The following MARK4 variants were observed in gnomAD, a reference collection of about 807,000 sequenced individuals.
MARK4 encodes microtubule affinity regulating kinase 4.
In MARK4, 19 loss-of-function variants were observed where a neutral mutation model predicts 81.5. The ratio of observed to expected loss-of-function variants is 0.23; its 90% CI spans 0.16 to 0.34. MARK4 has a LOEUF of 0.34. Among genes scored for constraint, MARK4 ranks in the 10% least tolerant of loss-of-function variants. The pLI is 1.00. For synonymous variants in MARK4, 436 were observed against 439.0 expected (o/e 0.99, Z 0.08); for missense variants, 772 against 1,058.8 (o/e 0.73, Z 3.76).
intron 4 of MARK4, 132 bp from the exon 5 acceptor site, chr19:45,264,552 C>A: frequency 2.4e-6 from 2 of 818,514 alleles, no homozygotes; most frequent in Non-Finnish European, 4.0e-6. Context: ...GAAAATCTTG[C>A]TGTCAGTAGG....
chr19:45,271,739 AGCCCCTCCCCACAGTCAG>A lies in MARK4; in HGVS notation c.786+38_786+55del, dbSNP rs770247140. On this transcript the variant is annotated intron_variant, in intron 8 of 16. Coordinates refer to ENST00000262891, the MANE Select transcript of MARK4 (RefSeq NM_001199867.2). This position sits in a 1 kb window ranked among gnomAD's most constrained non-coding sequence, Gnocchi z 4.1. ...GAGAGGGGCTGGGTGCAGGGGCATC[AGCCCCTCCCCACAGTCAG>A]GCCCCTATCCCCCCCACACCTCCCC... 1.1e-5 allele frequency: 17 copies of A among 1,592,038 alleles called. No individual in the cohort carries two copies. The Admixed American group carries it at 2.7e-4, about 25-fold the overall frequency.
intron 7 of MARK4, among the ~76,000 whole-genome samples, chr19:45,269,587 G>A (rs1267295237): frequency 1.3e-5 from 2 of 152,138 alleles, no homozygotes; most frequent in Non-Finnish European, 2.9e-5. Context: ...GGGAAGGACC[G>A]CAGTTGGGAT....
intron 8 of MARK4, among the ~76,000 whole-genome samples, chr19:45,273,096 G>T (rs183453180): frequency 6.6e-6 from 1 of 150,762 alleles, no homozygotes; most frequent in East Asian, 1.9e-4. Flanking sequence ...GGGGAATACT[G>T]TAAGGGGATG....
At chr19:45,266,958 T>C (rs950871447) in intron 7 of MARK4, among the ~76,000 whole-genome samples, 1 of 151,936 alleles carries the variant, frequency 6.6e-6, no homozygotes, top group Non-Finnish European at 1.5e-5. Context: ...GGTCTCGATC[T>C]CCTGACCTTG....
intron 2 of MARK4, among the ~76,000 whole-genome samples, chr19:45,261,755 G>T (rs762529837): frequency 2.8e-4 from 42 of 152,158 alleles, no homozygotes; most frequent in Non-Finnish European, 5.3e-4. Flanking sequence ...CCAACATGGA[G>T]AAACCCCGTC....
intron 16 of MARK4, among the ~76,000 whole-genome samples, chr19:45,300,621 A>C (rs368791074): frequency 1.6e-4 from 24 of 152,268 alleles, no homozygotes; most frequent in Admixed American, 7.2e-4. Context: ...GCAGTGTTCC[A>C]ATGAAACTTT....
chr19:45,302,556 G>T lies in MARK4; in HGVS notation c.2105G>T (p.Gly702Val). ...TTCCTGCTGGCCTGCCTGCACGGGG[G>T]TGCGGGCGGGCCCGAGCCCCTGTCC... is the stretch of plus-strand genomic sequence containing the variant. ...QPFLLACLHGGAGGPEPLSHF... is the reference protein window; with the variant it reads ...QPFLLACLHGVAGGPEPLSHF... Residue 702 changes from glycine to valine, a missense_variant, in exon 17 of 17, where the codon GGT becomes GTT. Physicochemically the swap from Gly to Val is moderately radical, Grantham distance 109. Transcript: ENST00000262891. The surrounding 1 kb of genome is among the most constrained non-coding windows in gnomAD (Gnocchi z 4.9). 3 of 1,588,600 alleles carry T rather than the reference G, an allele frequency of 1.9e-6. No homozygotes were observed. Among genetic ancestry groups the T allele is most frequent in the Non-Finnish European group, 2.6e-6 (3 of 1,174,106 alleles).
At chr19:45,272,688 G>A (rs1369164953) in intron 8 of MARK4, among the ~76,000 whole-genome samples, 3 of 152,052 alleles carry the variant, frequency 2.0e-5, no homozygotes, top group Non-Finnish European at 1.5e-5. Context: ...AGGAGTTCGA[G>A]ACCAGCCTGG....
chr19:45,287,202 CAA>C (rs139216602), intron 12 of MARK4, among the ~76,000 whole-genome samples: 123 of 65,460 alleles, frequency 1.9e-3, no homozygotes, highest in African/African-American at 4.5e-3. Flanking sequence ...GACTTTGTCT[CAA>C]AAAAAAAAAA....
chr19:45,276,482 C>T (rs1970598989), intron 8 of MARK4, among the ~76,000 whole-genome samples: 1 of 152,130 alleles, frequency 6.6e-6, no homozygotes, highest in Non-Finnish European at 1.5e-5. Context: ...GAGTGTGTCT[C>T]TTTGGACAGC....
intron 14 of MARK4, among the ~76,000 whole-genome samples, 187 bp from the exon 15 acceptor site, chr19:45,297,489 G>A (rs1970901457): frequency 6.6e-6 from 1 of 152,166 alleles, no homozygotes; most frequent in African/African-American, 2.4e-5. Flanking sequence ...TAGGAGAGGA[G>A]AGAGTCAGTA....
rs1347980921 is a variant in MARK4, at chr19:45,271,989, T to C, written c.786+281T>C. Among the ~76,000 whole-genome samples, 1 of 152,232 alleles carries C rather than the reference T, an allele frequency of 6.6e-6. No homozygotes were observed. Among genetic ancestry groups the C allele is most frequent in the Non-Finnish European group, 1.5e-5 (1 of 68,048 alleles). ...AATATTTATGGCCCACTTCTCTGTG[T>C]CAGGCTCTGTTTTGGGCTTTGCATG... is the stretch of plus-strand genomic sequence containing the variant. On this transcript the variant is annotated intron_variant, in intron 8 of 16. Coordinates refer to ENST00000262891, the MANE Select transcript of MARK4 (RefSeq NM_001199867.2). This position sits in a 1 kb window ranked among gnomAD's most constrained non-coding sequence, Gnocchi z 4.1.
intron 13 of MARK4, among the ~76,000 whole-genome samples, chr19:45,290,879 G>A (rs1970811719): frequency 6.6e-6 from 1 of 152,212 alleles, no homozygotes. Flanking sequence ...GGAGTGGAAT[G>A]TTGTGAGGGA....
At chr19:45,300,856 T>C (rs903010573) in intron 16 of MARK4, among the ~76,000 whole-genome samples, 2 of 152,036 alleles carry the variant, frequency 1.3e-5, no homozygotes, top group African/African-American at 2.4e-5. Flanking sequence ...TGGTCACCCT[T>C]GACCCAAGCA....
At chr19:45,299,577 C>CT (rs1227533815) in intron 15 of MARK4, among the ~76,000 whole-genome samples, 4 of 152,238 alleles carry the variant, frequency 2.6e-5, no homozygotes, top group Non-Finnish European at 5.9e-5. Context: ...GCCCACTCCC[C>CT]TCCCTTTCAT....
At chr19:45,293,764 A>G (rs1409433601) in intron 13 of MARK4, among the ~76,000 whole-genome samples, 1 of 152,198 alleles carries the variant, frequency 6.6e-6, no homozygotes, top group East Asian at 1.9e-4. Context: ...GGGGACATAT[A>G]TGAGAACAGA....
chr19:45,257,054 A>G (rs1240797496), intron 1 of MARK4, among the ~76,000 whole-genome samples: 1 of 151,938 alleles, frequency 6.6e-6, no homozygotes, highest in Non-Finnish European at 1.5e-5. Flanking sequence ...CCTGGGGCTC[A>G]AGCGATCTTC....
chr19:45,258,895 GGGGCC>G, intron 1 of MARK4, 89 bp from the exon 2 acceptor site: 1 of 1,366,684 alleles, frequency 7.3e-7, no homozygotes, highest in Non-Finnish European at 1.0e-6. Context: ...GGGCCACGGA[GGGGCC>G]GGTAGCCAGG....
intron 12 of MARK4, among the ~76,000 whole-genome samples, chr19:45,285,285 A>T (rs1384128646): frequency 6.6e-6 from 1 of 150,454 alleles, no homozygotes; most frequent in Non-Finnish European, 1.5e-5. Context: ...AAAAAAAAAA[A>T]GAATCCAGCC....
Sources: gnomAD v4.1 joint callset for allele counts (sites outside exome capture counted in the v4.1 genomes callset) on GRCh38, gnomAD v4.1.1 for gene constraint, Gnocchi (gnomAD v3.1) non-coding constraint, MANE v1.5 for transcripts, NCBI Gene and HGNC (gene_info 2026-07-23, HGNC 2026-07-21) for gene names.